Variants in NELL1 observed in about 807,000 individuals in gnomAD.
The protein encoded by NELL1 is neural EGFL like 1.
A neutral mutation model predicts 107.4 loss-of-function variants in NELL1; 76 were observed. That is an observed-to-expected ratio of 0.71 (90% CI 0.59 to 0.86). The LOEUF is 0.86. Among genes scored for constraint, NELL1 ranks in the 40% least tolerant of loss-of-function variants. The pLI is 0.00. For missense variants in NELL1, 1,024 were observed against 1,005.5 expected (o/e 1.02, Z -0.25); for synonymous variants, 353 against 341.2 (o/e 1.03, Z -0.38).
chr11:21,012,590 C>T lies in NELL1; in HGVS notation c.1300+52030C>T, dbSNP rs185106646. Reference sequence around the variant, plus strand: ...GAAAGAGTCTAATATACATACAGTTCGCTAAAAATGAGGCTGGAGTTTTAT... The same window carrying T: ...GAAAGAGTCTAATATACATACAGTTTGCTAAAAATGAGGCTGGAGTTTTAT... On this transcript the variant is annotated intron_variant, in intron 12 of 19. Transcript: ENST00000357134. Among the ~76,000 whole-genome samples, 397 of 152,186 alleles carry T rather than the reference C, an allele frequency of 2.6e-3. 3 individuals are homozygous for T. The highest frequency in any genetic ancestry group is 8.6e-3 in the African/African-American group (359 of 41,542).
chr11:21,367,709 GTTA>G, intron 14 of NELL1, among the ~76,000 whole-genome samples: 1 of 152,076 alleles, frequency 6.6e-6, no homozygotes. Context: ...CAGCATGAGT[GTTA>G]TTATTATCCT....
intron 14 of NELL1, among the ~76,000 whole-genome samples, chr11:21,322,148 G>A (rs77777660): frequency 0.032 from 4,811 of 152,240 alleles, 282 homozygotes; most frequent in African/African-American, 0.11. Flanking sequence ...CAGGAAATGC[G>A]TGGACAACTC....
chr11:20,928,517 T>C, intron 9 of NELL1, 38 bp downstream of exon 9: 1 of 1,498,164 alleles, frequency 6.7e-7, no homozygotes, highest in Non-Finnish European at 9.3e-7. Context: ...CTGTCTGTGT[T>C]TTGAGATTTA....
intron 2 of NELL1, among the ~76,000 whole-genome samples, chr11:20,701,647 A>G (rs1216283274): frequency 1.3e-5 from 2 of 152,146 alleles, no homozygotes; most frequent in African/African-American, 4.8e-5. Context: ...TTTAGGTCTA[A>G]CATTTAAGTC....
At position 21,511,883 on chromosome 11, in the gene NELL1, T is replaced by C. The variant is rs567600745; in HGVS notation, c.1646-22491T>C. ...AGCTCCTACTAAAATCTAAACACAA[T>C]AGAACCCACATATGGACAATACGGG... On this transcript the variant is annotated intron_variant, in intron 15 of 19. Transcript: ENST00000357134. 1.8e-4 allele frequency among the ~76,000 whole-genome samples: 28 copies of C among 152,204 alleles called. No homozygotes were observed. The South Asian group carries it at 4.8e-3, about 26-fold the overall frequency.
intron 13 of NELL1, among the ~76,000 whole-genome samples, chr11:21,140,263 A>C (rs1233575936): frequency 6.6e-6 from 1 of 152,220 alleles, no homozygotes; most frequent in African/African-American, 2.4e-5. Flanking sequence ...AATGGATAAC[A>C]GGGAGAGAAC....
intron 16 of NELL1, among the ~76,000 whole-genome samples, chr11:21,551,713 G>T (rs1423143767): frequency 3.3e-5 from 5 of 151,384 alleles, no homozygotes; most frequent in Non-Finnish European, 7.4e-5. Context: ...TTCAACCATT[G>T]TGGAAGTCAG....
At chr11:20,833,691 G>A (rs1365314080) in intron 3 of NELL1, among the ~76,000 whole-genome samples, 3 of 152,162 alleles carry the variant, frequency 2.0e-5, no homozygotes, top group Admixed American at 6.5e-5. Context: ...AACCCTATGT[G>A]GTGGTGGGGA....
At chr11:21,131,627 G>GT (rs1380015421) in intron 13 of NELL1, among the ~76,000 whole-genome samples, 11 of 151,918 alleles carry the variant, frequency 7.2e-5, no homozygotes, top group Non-Finnish European at 1.2e-4. Context: ...TTCCTTTTTT[G>GT]TTTTTTTGTT....
chr11:20,961,901 C>A (rs945408888), intron 12 of NELL1, among the ~76,000 whole-genome samples: 4 of 152,116 alleles, frequency 2.6e-5, no homozygotes, highest in African/African-American at 9.7e-5. Context: ...TGACTAAAGA[C>A]CTCTAGTTAT....
intron 12 of NELL1, among the ~76,000 whole-genome samples, chr11:21,072,959 C>T (rs905306123): frequency 1.3e-5 from 2 of 152,128 alleles, no homozygotes; most frequent in Non-Finnish European, 2.9e-5. Context: ...AAATGTGTCC[C>T]TGACCTTTTA....
At chr11:20,902,314 T>G (rs1358579670) in intron 5 of NELL1, among the ~76,000 whole-genome samples, 1 of 151,896 alleles carries the variant, frequency 6.6e-6, no homozygotes, top group Non-Finnish European at 1.5e-5. Context: ...ACAAAAGATA[T>G]AGAAGGATGG....
chr11:21,036,948 A>G (rs78466435), intron 12 of NELL1, among the ~76,000 whole-genome samples: 3,695 of 151,962 alleles, frequency 0.024, 146 homozygotes, highest in African/African-American at 0.083. Context: ...TTCACTGTTT[A>G]CTCATGTTCT....
At chr11:21,346,108 G>A (rs1850678545) in intron 14 of NELL1, among the ~76,000 whole-genome samples, 1 of 152,142 alleles carries the variant, frequency 6.6e-6, no homozygotes, top group Non-Finnish European at 1.5e-5. Context: ...TAAAAATCCA[G>A]GGATAGAGCA....
chr11:21,073,257 TC>T (rs1478640947), intron 12 of NELL1, among the ~76,000 whole-genome samples: 2 of 152,120 alleles, frequency 1.3e-5, no homozygotes, highest in Non-Finnish European at 2.9e-5. Flanking sequence ...TTACTTGGGA[TC>T]CATCTAGAGT....
intron 14 of NELL1, among the ~76,000 whole-genome samples, chr11:21,355,750 T>C (rs539373135): frequency 3.6e-4 from 55 of 152,204 alleles, no homozygotes; most frequent in Non-Finnish European, 6.2e-4. Context: ...TTCTACATTC[T>C]GGAGAGTTTA....
chr11:21,427,112 A>G lies in NELL1; in HGVS notation c.1645+56164A>G, dbSNP rs1852841943. On this transcript the variant is annotated intron_variant, in intron 15 of 19. Coordinates refer to ENST00000357134, the MANE Select transcript of NELL1 (RefSeq NM_006157.5). Reference sequence around the variant, plus strand: ...GCAGCAGGTGGAAAACAAAGTCAGCATGAAACAGGGGAGAGTGAGGACAAG... The same window carrying G: ...GCAGCAGGTGGAAAACAAAGTCAGCGTGAAACAGGGGAGAGTGAGGACAAG... Among the ~76,000 whole-genome samples, 3 of 152,310 alleles carry G rather than the reference A, an allele frequency of 2.0e-5. No homozygotes were observed. In the South Asian group the frequency reaches 6.2e-4, roughly 32 times the overall value.
intron 12 of NELL1, among the ~76,000 whole-genome samples, chr11:20,983,484 T>G (rs1851789906): frequency 6.6e-6 from 1 of 152,158 alleles, no homozygotes; most frequent in Non-Finnish European, 1.5e-5. Flanking sequence ...GAACACCTGC[T>G]CTTCTTTCAG....
chr11:21,445,296 T>TTTTTTGTTTTTGTTCTTG (rs1293684835), intron 15 of NELL1, among the ~76,000 whole-genome samples: 23 of 151,642 alleles, frequency 1.5e-4, no homozygotes, highest in Non-Finnish European at 3.2e-4. Flanking sequence ...TTTTGTTTTG[T>TTTTTTGTTTTTGTTCTTG]TTTTTGTTTT....
Sources: gnomAD v4.1 joint callset for allele counts (sites outside exome capture counted in the v4.1 genomes callset) on GRCh38, gnomAD v4.1.1 for gene constraint, MANE v1.5 for transcripts, NCBI Gene and HGNC (gene_info 2026-07-23, HGNC 2026-07-21) for gene names.